Variants in ARSF observed in about 807,000 individuals in gnomAD.
ARSF encodes the protein arylsulfatase F.
Under a neutral mutation model 35.4 loss-of-function variants are expected in ARSF, and 33 were observed. The observed-to-expected ratio is 0.93, with a 90% CI of 0.71 to 1.25. The LOEUF (loss-of-function observed/expected upper bound fraction) is 1.25, where lower values mean the gene tolerates loss of function less well. Ranked by LOEUF, ARSF falls within the 50% of genes most tolerant of loss-of-function variation. The probability of loss-of-function intolerance (pLI) is 0.00; values close to 1 mark genes in which losing one functional copy is unlikely to be tolerated. For synonymous variants in ARSF, 222 were observed against 193.1 expected, an observed-to-expected ratio of 1.15 and a Z score of -1.24; for missense variants, 501 against 480.2, an observed-to-expected ratio of 1.04 and a Z score of -0.40.
intron 8 of ARSF, among the ~76,000 whole-genome samples, chrX:3,103,432 G>C (rs1435423650): frequency 9.0e-6 from 1 of 110,808 alleles, no homozygotes; most frequent in Non-Finnish European, 1.9e-5. Context: ...AAAAATATAG[G>C]AAGTTACTTT....
chrX:3,043,080 G>A (rs768768272), intron 1 of ARSF, among the ~76,000 whole-genome samples: 9 of 110,899 alleles, frequency 8.1e-5, no homozygotes, highest in Non-Finnish European at 1.3e-4. Flanking sequence ...GCTTGCACCC[G>A]GGAGGCAGAG....
chrX:3,081,614 G>T (rs1025123911), intron 5 of ARSF, among the ~76,000 whole-genome samples: 2 of 111,866 alleles, frequency 1.8e-5, no homozygotes, highest in Non-Finnish European at 3.8e-5. Flanking sequence ...TGGGATTATG[G>T]ATGTGAGCCA....
At chrX:3,110,467 A>T (rs1378193216) in intron 10 of ARSF, among the ~76,000 whole-genome samples, 1 of 112,610 alleles carries the variant, frequency 8.9e-6, no homozygotes, top group Non-Finnish European at 1.9e-5. Flanking sequence ...TTATCTCAGC[A>T]GTCGCACATA....
At chrX:3,077,044 G>GA (rs374354398) in intron 4 of ARSF, among the ~76,000 whole-genome samples, 180 of 109,238 alleles carry the variant, frequency 1.6e-3, no homozygotes, top group Non-Finnish European at 2.7e-3. Flanking sequence ...GTGTTAGAAA[G>GA]AAAAAAAAAG....
At chrX:3,063,687 A>C (rs1383865026) in intron 1 of ARSF, among the ~76,000 whole-genome samples, 4 of 111,803 alleles carry the variant, frequency 3.6e-5, no homozygotes, top group Non-Finnish European at 7.5e-5. Flanking sequence ...CCAAATCATG[A>C]GTGAACTCCC....
intron 1 of ARSF, among the ~76,000 whole-genome samples, chrX:3,055,342 C>CAA (rs770014108): frequency 0.011 from 342 of 32,392 alleles, 6 homozygotes; most frequent in African/African-American, 0.035. Context: ...AACTCCATTT[C>CAA]AAAAAAAAAA....
At chrX:3,061,422 A>G (rs1172028365) in intron 1 of ARSF, among the ~76,000 whole-genome samples, 1 of 111,605 alleles carries the variant, frequency 9.0e-6, no homozygotes, top group African/African-American at 3.3e-5. Context: ...AGCTAACATC[A>G]TAATGACAGG....
In ARSF at chrX:3,089,457, A is replaced by G; in HGVS notation, c.831-39A>G. The G allele has an allele frequency of 3.3e-6, 4 of 1,199,197 alleles. No individual in the cohort carries two copies. In the Admixed American group the frequency reaches 6.5e-5, roughly 20 times the overall value. On this transcript the variant is annotated intron_variant, in intron 6 of 10. Transcript: ENST00000381127. ...AACAATAGTTTTCACATTCATAGAT[A>G]TTGAAAACTCACAAGTAGTTTCATT...
At chrX:3,049,092 G>A (rs775005796) in intron 1 of ARSF, among the ~76,000 whole-genome samples, 3 of 112,261 alleles carry the variant, frequency 2.7e-5, no homozygotes, top group Non-Finnish European at 5.6e-5. Context: ...GACCATGGCC[G>A]CCCGTGACGC....
At chrX:3,047,017 T>C (rs1396424116) in intron 1 of ARSF, among the ~76,000 whole-genome samples, 3 of 110,146 alleles carry the variant, frequency 2.7e-5, no homozygotes, top group Non-Finnish European at 3.8e-5. Flanking sequence ...CACATTTGTG[T>C]TGGGCCACAT....
intron 1 of ARSF, among the ~76,000 whole-genome samples, chrX:3,056,637 C>T (rs754279457): frequency 4.5e-5 from 5 of 111,027 alleles, no homozygotes; most frequent in South Asian, 3.8e-4. Context: ...CATATTGGAT[C>T]GTATCAAAAC....
chrX:3,044,842 T>C (rs767182545), intron 1 of ARSF, among the ~76,000 whole-genome samples: 197 of 109,607 alleles, frequency 1.8e-3, no homozygotes, highest in Non-Finnish European at 3.4e-3. Flanking sequence ...AAAAAGGCAA[T>C]CATCTGGGCA....
chrX:3,057,489 G>A (rs73439654), intron 1 of ARSF, among the ~76,000 whole-genome samples: 166 of 111,388 alleles, frequency 1.5e-3, no homozygotes, highest in African/African-American at 4.9e-3. Flanking sequence ...AGCTGAAATC[G>A]TCTAGGGAAT....
At chrX:3,106,898 G>T in intron 9 of ARSF, among the ~76,000 whole-genome samples, 1 of 111,967 alleles carries the variant, frequency 8.9e-6, no homozygotes, top group Middle Eastern at 4.6e-3. Context: ...TGGTATCCAT[G>T]GGGGGTTGGT....
chrX:3,109,343 C>A (rs1432694937), intron 9 of ARSF, among the ~76,000 whole-genome samples: 1 of 111,226 alleles, frequency 9.0e-6, no homozygotes, highest in East Asian at 2.8e-4. Flanking sequence ...GAGAAAAATC[C>A]TTATCTGGGA....
At chrX:3,090,021 C>T (rs370850613) in intron 7 of ARSF, among the ~76,000 whole-genome samples, 37 of 111,241 alleles carry the variant, frequency 3.3e-4, no homozygotes, top group African/African-American at 1.1e-3. Flanking sequence ...ACCCTTCACC[C>T]GGACACTAAG....
At chrX:3,078,603 G>A (rs899317822) in intron 4 of ARSF, among the ~76,000 whole-genome samples, 4 of 110,920 alleles carry the variant, frequency 3.6e-5, no homozygotes, top group African/African-American at 1.3e-4. Context: ...GGGCTCAAGC[G>A]ATTCTCCCTC....
chrX:3,066,979 T>C (rs183603157), intron 1 of ARSF: 12 of 108,442 alleles, frequency 1.1e-4, no homozygotes, highest in African/African-American at 4.0e-4. Context: ...CCTATTGTAT[T>C]CTGAAACTCA....
At chrX:3,089,707 C>A in intron 7 of ARSF, 75 bp downstream of exon 7, 1 of 1,101,818 alleles carries the variant, frequency 9.1e-7, no homozygotes, top group South Asian at 1.9e-5. Flanking sequence ...TGCTCTTGGT[C>A]AACCTGTAGA....
Sources: gnomAD v4.1 joint callset for allele counts (sites outside exome capture counted in the v4.1 genomes callset) on GRCh38, gnomAD v4.1.1 for gene constraint, MANE v1.5 for transcripts, NCBI Gene and HGNC (gene_info 2026-07-23, HGNC 2026-07-21) for gene names.